Variants in ADAMTSL1 observed in about 807,000 individuals in gnomAD.
The protein encoded by ADAMTSL1 is ADAMTS-like protein 1.
ADAMTSL1 carries 126 observed loss-of-function variants against 201.8 expected under a neutral mutation model. The ratio of observed to expected loss-of-function variants is 0.62; its 90% CI spans 0.54 to 0.72. ADAMTSL1 has a LOEUF of 0.72. Among genes scored for constraint, ADAMTSL1 ranks in the 30% least tolerant of loss-of-function variants. The pLI, the probability that ADAMTSL1 is intolerant of heterozygous loss-of-function variation, is 0.00. For missense variants in ADAMTSL1, 2,679 were observed against 2,277.8 expected (o/e 1.18, Z -3.59); for synonymous variants, 1,121 against 903.4 (o/e 1.24, Z -4.32).
intron 1 of ADAMTSL1, among the ~76,000 whole-genome samples, chr9:18,099,356 T>TA (rs60877701): frequency 0.13 from 4,784 of 37,302 alleles, 212 homozygotes; most frequent in African/African-American, 0.21. Flanking sequence ...TATATATATA[T>TA]TTTTTTTTTT....
intron 2 of ADAMTSL1, among the ~76,000 whole-genome samples, chr9:18,524,798 A>T (rs896630983): frequency 2.0e-5 from 3 of 152,148 alleles, no homozygotes; most frequent in Non-Finnish European, 2.9e-5. Context: ...AGCCCACTTG[A>T]TCATGGTGGA....
intron 1 of ADAMTSL1, among the ~76,000 whole-genome samples, chr9:17,911,917 T>A (rs1588401401): frequency 2.0e-5 from 1 of 49,998 alleles, no homozygotes; most frequent in Non-Finnish European, 6.7e-5. Flanking sequence ...TTCCCACCTA[T>A]GAGTGAGAAT....
chr9:18,570,776 A>G (rs1296274120), intron 3 of ADAMTSL1, among the ~76,000 whole-genome samples: 1 of 152,212 alleles, frequency 6.6e-6, no homozygotes, highest in African/African-American at 2.4e-5. Context: ...TTAGCAAAAT[A>G]TATTTTCCCA....
At chr9:18,384,510 T>A (rs1180336974) in intron 2 of ADAMTSL1, among the ~76,000 whole-genome samples, 1 of 152,102 alleles carries the variant, frequency 6.6e-6, no homozygotes, top group Non-Finnish European at 1.5e-5. Context: ...TGCCCTCATC[T>A]CTCTCTTTCA....
intron 1 of ADAMTSL1, among the ~76,000 whole-genome samples, chr9:18,138,029 G>C (rs1280145671): frequency 3.3e-5 from 5 of 152,104 alleles, no homozygotes; most frequent in Non-Finnish European, 7.4e-5. Context: ...CTTTGGCACT[G>C]TGTTTTGAAA....
chr9:18,232,176 C>A (rs1040441180), intron 2 of ADAMTSL1, among the ~76,000 whole-genome samples: 2 of 152,210 alleles, frequency 1.3e-5, no homozygotes, highest in Admixed American at 1.3e-4. Flanking sequence ...TCCTCACTCA[C>A]TCTGCTCTAG....
intron 1 of ADAMTSL1, among the ~76,000 whole-genome samples, chr9:18,040,236 G>T (rs1049549637): frequency 1.3e-5 from 2 of 152,274 alleles, no homozygotes; most frequent in South Asian, 4.1e-4. Flanking sequence ...TGATAACCTG[G>T]CTCTGTTTTC....
chr9:18,874,861 G>T (rs1181686801), intron 23 of ADAMTSL1, among the ~76,000 whole-genome samples: 2 of 151,906 alleles, frequency 1.3e-5, no homozygotes, highest in Admixed American at 1.3e-4. Flanking sequence ...TTCTTTGAAT[G>T]TCTGATACAA....
chr9:18,589,495 A>T (rs1236230870), intron 4 of ADAMTSL1, among the ~76,000 whole-genome samples: 1 of 152,158 alleles, frequency 6.6e-6, no homozygotes, highest in Non-Finnish European at 1.5e-5. Context: ...GGGTTTTTCT[A>T]ACTATAAGAT....
chr9:18,527,687 T>G (rs578083553), intron 2 of ADAMTSL1, among the ~76,000 whole-genome samples: 2 of 152,182 alleles, frequency 1.3e-5, no homozygotes, highest in African/African-American at 4.8e-5. Flanking sequence ...AAATAAAGTA[T>G]GTATCCAGTA....
intron 2 of ADAMTSL1, among the ~76,000 whole-genome samples, chr9:18,313,952 A>G (rs1563879651): frequency 6.6e-6 from 1 of 152,188 alleles, no homozygotes; most frequent in South Asian, 2.1e-4. Context: ...TTAATATACA[A>G]AACATATAAG....
intron 11 of ADAMTSL1, chr9:18,681,407 G>T (rs1213581702): frequency 6.5e-6 from 1 of 152,978 alleles, no homozygotes; most frequent in East Asian, 1.9e-4. Flanking sequence ...CCATGTAGGG[G>T]TATTTCCCAT....
At chr9:18,657,303 T>G (rs1828749430) in intron 7 of ADAMTSL1, among the ~76,000 whole-genome samples, 1 of 152,230 alleles carries the variant, frequency 6.6e-6, no homozygotes, top group Non-Finnish European at 1.5e-5. Flanking sequence ...AAAATCCACA[T>G]AATTTTATCT....
At chr9:18,563,179 G>A (rs1821646866) in intron 3 of ADAMTSL1, among the ~76,000 whole-genome samples, 1 of 152,162 alleles carries the variant, frequency 6.6e-6, no homozygotes, top group Admixed American at 6.5e-5. Flanking sequence ...TGATTTTGGT[G>A]ACTGAATGGG....
In ADAMTSL1 at chr9:18,568,615, C is replaced by T. The variant is rs765175074; in HGVS notation, c.238-5415C>T. 1.8e-4 allele frequency among the ~76,000 whole-genome samples: 28 copies of T among 152,066 alleles called. No homozygotes were observed. The East Asian group carries it at 4.1e-3, about 22-fold the overall frequency. On this transcript the variant is annotated intron_variant, in intron 3 of 28. Coordinates refer to ENST00000380548, the MANE Select transcript of ADAMTSL1 (RefSeq NM_001040272.6). ...ATGCCTTGCTAGGCAGTTCTAATTG[C>T]GTTTTCTTGCATAGTAACTGTTATG...
chr9:17,968,781 AG>A (rs1337197522), intron 1 of ADAMTSL1, among the ~76,000 whole-genome samples: 1 of 152,126 alleles, frequency 6.6e-6, no homozygotes, highest in Non-Finnish European at 1.5e-5. Flanking sequence ...TATTTTTAAA[AG>A]GTCTTTGGAG....
chr9:18,642,161 A>G (rs1827484960), intron 7 of ADAMTSL1, among the ~76,000 whole-genome samples: 1 of 152,038 alleles, frequency 6.6e-6, no homozygotes, highest in South Asian at 2.1e-4. Flanking sequence ...GGCCATGACT[A>G]TCTGGGTCTT....
At chr9:18,136,079 C>T (rs1826145489) in intron 1 of ADAMTSL1, among the ~76,000 whole-genome samples, 1 of 152,134 alleles carries the variant, frequency 6.6e-6, no homozygotes, top group Non-Finnish European at 1.5e-5. Context: ...GCACTGCCTC[C>T]CTCAGTCACA....
chr9:18,838,387 ACACACACACACACAC>A (rs1563844482), intron 23 of ADAMTSL1, among the ~76,000 whole-genome samples: 52 of 150,544 alleles, frequency 3.5e-4, no homozygotes, highest in African/African-American at 1.1e-3. Context: ...ACACACACAC[ACACACACACACACAC>A]GCAAAAACCT....
Sources: allele counts gnomAD v4.1 joint callset (sites outside exome capture counted in the v4.1 genomes callset), GRCh38; gene constraint gnomAD v4.1.1; transcripts MANE v1.5; gene names NCBI Gene and HGNC (gene_info 2026-07-23, HGNC 2026-07-21).